ARHGEF7: variants seen among roughly 807,000 people sequenced by gnomAD.
The protein encoded by ARHGEF7 is Rho guanine nucleotide exchange factor 7.
A neutral mutation model predicts 109.8 loss-of-function variants in ARHGEF7; 33 were observed. That is an observed-to-expected ratio of 0.30 (90% confidence interval 0.23 to 0.40). The LOEUF (loss-of-function observed/expected upper bound fraction) is 0.40. ARHGEF7 is among the 10% of genes least tolerant of loss of function. The probability of loss-of-function intolerance (pLI) is 1.00; values close to 1 mark genes in which losing one functional copy is unlikely to be tolerated. For synonymous variants in ARHGEF7, 458 were observed against 424.6 expected (o/e 1.08, Z -0.97); for missense variants, 938 against 1,098.5 (o/e 0.85, Z 2.07).
chr13:111,175,918 A>G (rs1368220206), intron 2 of ARHGEF7, among the ~76,000 whole-genome samples: 1 of 152,226 alleles, frequency 6.6e-6, no homozygotes, highest in East Asian at 1.9e-4. Context: ...ACATGGCGGC[A>G]GGAAGGAGAA....
intron 2 of ARHGEF7, among the ~76,000 whole-genome samples, chr13:111,190,853 T>C (rs1349668406): frequency 1.3e-5 from 2 of 151,988 alleles, no homozygotes; most frequent in African/African-American, 2.4e-5. Context: ...GTTAAAAAGG[T>C]GTGTGAGTTT....
At chr13:111,281,378 T>A (rs2092773043) in intron 15 of ARHGEF7, among the ~76,000 whole-genome samples, 2 of 152,022 alleles carry the variant, frequency 1.3e-5, no homozygotes, top group South Asian at 4.2e-4. Flanking sequence ...ACACAGGCGT[T>A]TTCTGCTTAC....
Position 111,115,583 on chromosome 13 carries a change from GC to G in ARHGEF7, c.60del (p.Thr23ProfsTer13). On this transcript the variant is annotated frameshift_variant, in exon 1 of 22. Coordinates refer to ENST00000646102, the MANE Select transcript of ARHGEF7 (RefSeq NM_001354046.2). LOFTEE classifies it high-confidence loss of function. Reference sequence around the variant, plus strand: ...TCATCACTCTGGGGGTGCTGGAGTCGCCCAAAAAAACCATCTCGGACCCGGA... The same window carrying G: ...TCATCACTCTGGGGGTGCTGGAGTCGCCAAAAAAACCATCTCGGACCCGGA... Reference protein sequence around the residue: ...WLITLGVLESPKKTISDPEGF... With the variant: ...WLITLGVLESXKKTISDPEGF... 7.0e-7 allele frequency: 1 copy of G among 1,424,436 alleles called. No individual in the cohort carries two copies. The allele number at this position is 1,424,436 out of a possible 1,614,324, so 88.2% of individuals were successfully genotyped here.
chr13:111,153,729 G>C, intron 1 of ARHGEF7, 176 bp from the exon 2 acceptor site: 1 of 1,335,122 alleles, frequency 7.5e-7, no homozygotes, highest in Non-Finnish European at 9.5e-7. Flanking sequence ...AGGGTGAGGA[G>C]AAGCAGCGGC....
rs139601784 is a variant in ARHGEF7 at position 111,120,242 on chromosome 13, A to G, written c.165+4551A>G. Among the ~76,000 whole-genome samples, 1,178 of 152,380 alleles carry G rather than the reference A, an allele frequency of 7.7e-3. 12 individuals carry two copies. Among genetic ancestry groups the G allele is most frequent in the African/African-American group, 0.027 (1,118 of 41,592 alleles). ...GCATTTGCTGGCTCACTAAAAAGAA[A>G]GCAAACAAACTGAAATTCAATTTAA... On this transcript the variant is annotated intron_variant, in intron 1 of 21. Coordinates refer to ENST00000646102, the MANE Select transcript of ARHGEF7 (RefSeq NM_001354046.2).
rs1292598750 is a variant in ARHGEF7 at position 111,115,345 on chromosome 13, CAGCGGGCCGGGGCGCACGGAGA to C, written c.-170_-149del. On this transcript the variant is annotated 5_prime_UTR_variant, in exon 1 of 22. Coordinates refer to ENST00000646102, the MANE Select transcript of ARHGEF7 (RefSeq NM_001354046.2). ...GAGCCGCTCCTGAGAAGGCGCCTGA[CAGCGGGCCGGGGCGCACGGAGA>C]AGCGGGCCGGGCCGGACCTGCTGGG... 5.3e-5 allele frequency: 13 copies of C among 243,734 alleles called. No individual in the cohort carries two copies. In the East Asian group the frequency reaches 9.3e-4, roughly 17 times the overall value. The allele number at this position is 243,734 out of a possible 1,614,324, so 15.1% of individuals were successfully genotyped here.
chr13:111,228,103 A>G lies in ARHGEF7; in HGVS notation c.671-5102A>G, dbSNP rs891033494. 2.6e-5 allele frequency among the ~76,000 whole-genome samples: 4 copies of G among 152,204 alleles called. No homozygotes were observed. The highest frequency in any genetic ancestry group is 9.6e-5 in the African/African-American group (4 of 41,462). On this transcript the variant is annotated intron_variant, in intron 5 of 21. Coordinates refer to ENST00000646102, the MANE Select transcript of ARHGEF7 (RefSeq NM_001354046.2). The surrounding 1 kb of genome is among the most constrained non-coding windows in gnomAD (Gnocchi z 4.6). ...AGGTGTCCTGCACGGCACATGAGGT[A>G]AGCGTGCAGGTCTGTGCTCTCTGCT...
At chr13:111,176,647 C>T (rs1347736542) in intron 2 of ARHGEF7, among the ~76,000 whole-genome samples, 5 of 152,324 alleles carry the variant, frequency 3.3e-5, no homozygotes, top group East Asian at 3.9e-4. Flanking sequence ...GTGGGACCCC[C>T]GCGTGCGGAC....
At chr13:111,288,009 A>G (rs1288908625) in intron 17 of ARHGEF7, among the ~76,000 whole-genome samples, 1 of 152,182 alleles carries the variant, frequency 6.6e-6, no homozygotes, top group East Asian at 1.9e-4. Flanking sequence ...ATTTTTTCTT[A>G]GAACTCTTCT....
intron 2 of ARHGEF7, among the ~76,000 whole-genome samples, chr13:111,178,238 T>C (rs1431515188): frequency 3.9e-5 from 6 of 152,206 alleles, no homozygotes; most frequent in Non-Finnish European, 7.3e-5. Flanking sequence ...AGGAGTTCCC[T>C]TATGTCCTGG....
intron 5 of ARHGEF7, among the ~76,000 whole-genome samples, chr13:111,226,387 C>T (rs1418325028): frequency 6.6e-6 from 1 of 152,240 alleles, no homozygotes; most frequent in East Asian, 1.9e-4. Context: ...AACAGGCTGA[C>T]TCTCTGGTCT....
intron 2 of ARHGEF7, among the ~76,000 whole-genome samples, chr13:111,179,525 C>G (rs2078530993): frequency 6.6e-6 from 1 of 152,170 alleles, no homozygotes; most frequent in Non-Finnish European, 1.5e-5. Flanking sequence ...TTATCACACC[C>G]AGAAATTTAA....
chr13:111,233,689 A>G (rs2086407036), intron 6 of ARHGEF7, among the ~76,000 whole-genome samples: 1 of 152,190 alleles, frequency 6.6e-6, no homozygotes, highest in South Asian at 2.1e-4. Flanking sequence ...TAAGGCTTCT[A>G]ATTTATTTTT....
intron 3 of ARHGEF7, among the ~76,000 whole-genome samples, chr13:111,205,863 A>G (rs1431476411): frequency 6.6e-6 from 1 of 152,024 alleles, no homozygotes; most frequent in Admixed American, 6.6e-5. Flanking sequence ...GTGTGGTCCT[A>G]GCCCCCATTA....
chr13:111,195,346 G>A (rs934802192), intron 2 of ARHGEF7, among the ~76,000 whole-genome samples: 2 of 152,216 alleles, frequency 1.3e-5, no homozygotes, highest in Non-Finnish European at 2.9e-5. Context: ...TAATAAGGGT[G>A]TGGGACTTTC....
intron 8 of ARHGEF7, among the ~76,000 whole-genome samples, chr13:111,257,186 A>C (rs1213927189): frequency 1.3e-5 from 2 of 152,152 alleles, no homozygotes; most frequent in African/African-American, 4.8e-5. Context: ...GTTTGGAATC[A>C]CTTCTGCTTA....
intron 18 of ARHGEF7, among the ~76,000 whole-genome samples, chr13:111,290,703 C>T (rs1043776024): frequency 1.2e-4 from 19 of 152,226 alleles, no homozygotes; most frequent in Admixed American, 7.2e-4. Flanking sequence ...TTCCATTTCT[C>T]CTGTGCAAGA....
chr13:111,178,182 CTCTT>C (rs1488815466), intron 2 of ARHGEF7, among the ~76,000 whole-genome samples: 5 of 152,340 alleles, frequency 3.3e-5, no homozygotes, highest in African/African-American at 4.8e-5. Context: ...GTCCTCCTCT[CTCTT>C]TTTCTTGACA....
At chr13:111,150,441 C>T (rs1455810938) in intron 1 of ARHGEF7, among the ~76,000 whole-genome samples, 1 of 152,202 alleles carries the variant, frequency 6.6e-6, no homozygotes, top group Non-Finnish European at 1.5e-5. Context: ...AAAATTTCCT[C>T]CACATCTTCT....
Sources: allele counts gnomAD v4.1 joint callset (sites outside exome capture counted in the v4.1 genomes callset), GRCh38; gene constraint gnomAD v4.1.1; non-coding constraint Gnocchi (gnomAD v3.1); transcripts MANE v1.5; gene names NCBI Gene and HGNC (gene_info 2026-07-23, HGNC 2026-07-21).